PRORP: variants seen among roughly 807,000 people sequenced by gnomAD.
The protein encoded by PRORP is protein only RNase P catalytic subunit.
Under a neutral mutation model 59.4 loss-of-function variants are expected in PRORP, and 51 were observed. That is an observed-to-expected ratio of 0.86 (90% CI 0.69 to 1.08). PRORP has a LOEUF of 1.08. Ranked by LOEUF, PRORP falls within the 50% of genes least tolerant of loss-of-function variation. The pLI, the probability that PRORP is intolerant of heterozygous loss-of-function variation, is 0.00. For missense variants in PRORP, 646 were observed against 690.3 expected (o/e 0.94, Z 0.72); for synonymous variants, 231 against 245.6 (o/e 0.94, Z 0.55).
intron 5 of PRORP, among the ~76,000 whole-genome samples, chr14:35,266,180 G>A (rs1382283197): frequency 6.6e-6 from 1 of 151,920 alleles, no homozygotes; most frequent in Non-Finnish European, 1.5e-5. Flanking sequence ...AGTTGGCTGT[G>A]GTGGCGCATG....
chr14:35,260,822 T>G (rs1316498795), intron 5 of PRORP, among the ~76,000 whole-genome samples: 1 of 152,172 alleles, frequency 6.6e-6, no homozygotes, highest in South Asian at 2.1e-4. Flanking sequence ...CTTAGCCCAG[T>G]TTTTTAGATG....
chr14:35,165,203 G>A (rs1168474494), intron 4 of PRORP, among the ~76,000 whole-genome samples: 1 of 152,128 alleles, frequency 6.6e-6, no homozygotes, highest in African/African-American at 2.4e-5. Flanking sequence ...TTTTGAGATG[G>A]GGTCTTACTA....
At chr14:35,192,827 C>T (rs1381320329) in intron 5 of PRORP, among the ~76,000 whole-genome samples, 1 of 151,944 alleles carries the variant, frequency 6.6e-6, no homozygotes, top group Admixed American at 6.6e-5. Flanking sequence ...AACCCTGTCT[C>T]TACTAAAAAT....
At chr14:35,262,173 TTTA>T (rs1555333366) in intron 5 of PRORP, among the ~76,000 whole-genome samples, 2 of 151,634 alleles carry the variant, frequency 1.3e-5, no homozygotes, top group Admixed American at 6.6e-5. Flanking sequence ...TTTTTATAAT[TTTA>T]TTATTATTAT....
chr14:35,162,312 A>G (rs1379065800), intron 4 of PRORP, among the ~76,000 whole-genome samples: 3 of 152,156 alleles, frequency 2.0e-5, no homozygotes, highest in Non-Finnish European at 2.9e-5. Flanking sequence ...TTAACAGTAT[A>G]TACTGTGATC....
At chr14:35,158,379 G>T in intron 4 of PRORP, 1 of 305,384 alleles carries the variant, frequency 3.3e-6, no homozygotes, top group Non-Finnish European at 6.5e-6. Context: ...ACACCCCAAG[G>T]ATACTGCCTT....
At chr14:35,205,970 AC>A (rs2049282872) in intron 5 of PRORP, among the ~76,000 whole-genome samples, 1 of 152,186 alleles carries the variant, frequency 6.6e-6, no homozygotes, top group Admixed American at 6.5e-5. Flanking sequence ...CTGTCATACC[AC>A]CAGTCACACC....
chr14:35,125,247 A>G (rs192078391), intron 2 of PRORP, among the ~76,000 whole-genome samples: 9 of 152,188 alleles, frequency 5.9e-5, no homozygotes, highest in Non-Finnish European at 1.3e-4. Flanking sequence ...TAAGCATTAC[A>G]ATGGAAAATC....
intron 5 of PRORP, among the ~76,000 whole-genome samples, chr14:35,193,428 GAA>G (rs2048932985): frequency 6.6e-6 from 1 of 152,158 alleles, no homozygotes; most frequent in African/African-American, 2.4e-5. Flanking sequence ...TACAGTGAGA[GAA>G]AAATAGAGGC....
rs370401071 is a variant in PRORP at position 35,213,940 on chromosome 14, C to T, written c.1275+33163C>T. On this transcript the variant is annotated intron_variant, in intron 5 of 7. Coordinates refer to ENST00000534898, the MANE Select transcript of PRORP (RefSeq NM_014672.4). The stretch of plus-strand genomic sequence containing the variant: ...AATAGACTTGCTAAACACAGGACTG[C>T]CACCAATCTTCAATTTGTAAAAAAT... Among the ~76,000 whole-genome samples the T allele has an allele frequency of 2.0e-5, 3 of 152,176 alleles. No individual in the cohort carries two copies. In the East Asian group the frequency reaches 5.8e-4, roughly 29 times the overall value.
rs773150066 is a variant in PRORP at position 35,240,074 on chromosome 14, CA to C, written c.1276-26637del. Among the ~76,000 whole-genome samples the C allele has an allele frequency of 3.3e-3, 351 of 107,254 alleles. 1 individual carries two copies. The highest frequency in any genetic ancestry group is 6.8e-3 in the African/African-American group (163 of 24,064). 70.4% of individuals were successfully genotyped at this position (107,254 alleles called of 152,430 possible). On this transcript the variant is annotated intron_variant, in intron 5 of 7. Coordinates refer to ENST00000534898, the MANE Select transcript of PRORP (RefSeq NM_014672.4). Reference sequence around the variant, plus strand: ...TGGGTGACAGAGTAAGACTCCATCTCAAAAAAAAAAAAAAAAGAAGAAGAAA... The same window carrying C: ...TGGGTGACAGAGTAAGACTCCATCTCAAAAAAAAAAAAAAAGAAGAAGAAA...
chr14:35,247,411 TACTTTACCAGAAAACAGAATCCATA>T (rs1259459065), intron 5 of PRORP, among the ~76,000 whole-genome samples: 1 of 152,186 alleles, frequency 6.6e-6, no homozygotes, highest in African/African-American at 2.4e-5. Flanking sequence ...GAACAGACAG[TACTTTACCAGAAAACAGAATCCATA>T]ACCATAGTGT....
intron 2 of PRORP, among the ~76,000 whole-genome samples, chr14:35,124,824 C>G (rs2047055493): frequency 6.7e-6 from 1 of 149,696 alleles, no homozygotes; most frequent in South Asian, 2.1e-4. Flanking sequence ...CCTCTGAAAT[C>G]TAGCGACTGA....
intron 4 of PRORP, among the ~76,000 whole-genome samples, chr14:35,151,752 T>C (rs551444841): frequency 6.6e-5 from 10 of 152,124 alleles, no homozygotes; most frequent in Non-Finnish European, 1.2e-4. Context: ...AATGCCTGTT[T>C]AGAACACTGT....
Position 35,274,267 on chromosome 14 carries a change from C to G in PRORP, c.*701C>G, listed in dbSNP as rs2051267679. ...GGCTCAAGCAATCTTCCTACCTCAG[C>G]CCTCCTGAGTAATTGGGACTACAGG... On this transcript the variant is annotated 3_prime_UTR_variant, in exon 8 of 8. Coordinates refer to ENST00000534898, the MANE Select transcript of PRORP (RefSeq NM_014672.4). The G allele has an allele frequency of 6.6e-6, 1 of 152,000 alleles. No homozygotes were observed. Among genetic ancestry groups the G allele is most frequent in the Non-Finnish European group, 1.5e-5 (1 of 68,054 alleles). The allele number at this position is 152,000 out of a possible 1,614,324, so 9.4% of individuals were successfully genotyped here.
chr14:35,124,971 C>T (rs1467170483), intron 2 of PRORP, among the ~76,000 whole-genome samples: 1 of 150,962 alleles, frequency 6.6e-6, no homozygotes, highest in Non-Finnish European at 1.5e-5. Flanking sequence ...GGGTTTTCTC[C>T]TGCCTCACAC....
chr14:35,145,178 G>C (rs1009671551), intron 4 of PRORP, among the ~76,000 whole-genome samples: 1 of 144,042 alleles, frequency 6.9e-6, no homozygotes, highest in Non-Finnish European at 1.5e-5. Context: ...TCACTTTGTT[G>C]CCTGGGCTTG....
Position 35,122,635 on chromosome 14 carries a change from G to C in PRORP, c.-295G>C, listed in dbSNP as rs996214613. On this transcript the variant is annotated splice_region_variant and 5_prime_UTR_variant, in exon 1 of 8. Coordinates refer to ENST00000534898, the MANE Select transcript of PRORP (RefSeq NM_014672.4). ...AAGTGAACTTCATTTGTCAGCGTTCGGTACGCAGTCTAGGCAGCGCCCTTC... is the reference window on the plus strand; with the variant it reads ...AAGTGAACTTCATTTGTCAGCGTTCCGTACGCAGTCTAGGCAGCGCCCTTC... The C allele has an allele frequency of 6.5e-6, 1 of 154,512 alleles. No individual in the cohort carries two copies. The highest frequency in any genetic ancestry group is 1.4e-5 in the Non-Finnish European group (1 of 69,312). 9.6% of individuals were successfully genotyped at this position (154,512 alleles called of 1,614,324 possible).
At chr14:35,256,137 A>G (rs2050747121) in intron 5 of PRORP, among the ~76,000 whole-genome samples, 1 of 150,560 alleles carries the variant, frequency 6.6e-6, no homozygotes, top group Non-Finnish European at 1.5e-5. Flanking sequence ...TACAAAAATT[A>G]GTTGGGCGTG....
Sources: allele counts gnomAD v4.1 joint callset (sites outside exome capture counted in the v4.1 genomes callset), GRCh38; gene constraint gnomAD v4.1.1; transcripts MANE v1.5; gene names NCBI Gene and HGNC (gene_info 2026-07-23, HGNC 2026-07-21).